The following FRMD4B variants were observed in gnomAD, a reference collection of about 807,000 sequenced individuals.
The protein encoded by FRMD4B is FERM domain-containing protein 4B.
A neutral mutation model predicts 141.5 loss-of-function variants in FRMD4B; 74 were observed. The ratio of observed to expected loss-of-function variants is 0.52; its 90% CI spans 0.43 to 0.63. FRMD4B has a LOEUF of 0.63. FRMD4B is among the 30% of genes least tolerant of loss of function. The pLI is 0.00. For missense variants in FRMD4B, 1,366 were observed against 1,253.4 expected (o/e 1.09, Z -1.36); for synonymous variants, 506 against 467.9 (o/e 1.08, Z -1.05).
At chr3:69,536,484 C>A (rs918363230) in intron 1 of FRMD4B, 6 of 697,372 alleles carry the variant, frequency 8.6e-6, no homozygotes, top group East Asian at 5.5e-5. Flanking sequence ...CCACCGCCAA[C>A]GTGCCCTAGC....
At chr3:69,280,307 A>G (rs1354755134) in intron 5 of FRMD4B, among the ~76,000 whole-genome samples, 1 of 152,126 alleles carries the variant, frequency 6.6e-6, no homozygotes, top group East Asian at 1.9e-4. Flanking sequence ...CCTCGCTTGA[A>G]CAACAATCCA....
At chr3:69,358,263 T>C (rs1007298992) in intron 1 of FRMD4B, among the ~76,000 whole-genome samples, 10 of 152,232 alleles carry the variant, frequency 6.6e-5, no homozygotes, top group Non-Finnish European at 1.5e-4. Context: ...GTGGCCTATG[T>C]AGGCCCACAG....
chr3:69,491,939 C>T lies in FRMD4B; in HGVS notation c.-129+50267G>A, dbSNP rs547892448. On this transcript the variant is annotated intron_variant, in intron 1 of 5. Coordinates refer to the FRMD4B transcript ENST00000459638. ...AGGAAGTGTTGTCATGCTCAAACAA[C>T]CGGAGATCAGAGATTATACCTAAGC... is the stretch of plus-strand genomic sequence containing the variant. Among the ~76,000 whole-genome samples, 12 of 152,214 alleles carry T rather than the reference C, an allele frequency of 7.9e-5. 1 individual carries two copies. The highest frequency in any genetic ancestry group is 2.9e-5 in the Non-Finnish European group (2 of 68,032).
chr3:69,440,574 G>A (rs1705327735), intron 1 of FRMD4B, among the ~76,000 whole-genome samples: 1 of 152,220 alleles, frequency 6.6e-6, no homozygotes, highest in South Asian at 2.1e-4. Context: ...GGAAGCCAAG[G>A]CAGGTGGATC....
chr3:69,368,519 G>C lies in FRMD4B; in HGVS notation c.162+17309C>G, dbSNP rs536009191. Among the ~76,000 whole-genome samples, 3 of 152,284 alleles carry C rather than the reference G, an allele frequency of 2.0e-5. No individual in the cohort carries two copies. The East Asian group carries it at 5.8e-4, about 29-fold the overall frequency. Reference sequence around the variant, plus strand: ...CCTCAAGCCTGTGCCTACCCCCCTTGTCGTTCTTGGACAGGTGCTTTGCAT... The same window carrying C: ...CCTCAAGCCTGTGCCTACCCCCCTTCTCGTTCTTGGACAGGTGCTTTGCAT... On this transcript the variant is annotated intron_variant, in intron 1 of 22. Transcript: ENST00000398540.
chr3:69,361,947 A>G (rs1410452272), intron 1 of FRMD4B, among the ~76,000 whole-genome samples: 2 of 152,246 alleles, frequency 1.3e-5, no homozygotes, highest in African/African-American at 4.8e-5. Flanking sequence ...CTAAAAGGTC[A>G]TACCATTTTA....
chr3:69,470,140 A>G (rs142498278), intron 1 of FRMD4B, among the ~76,000 whole-genome samples: 114 of 152,362 alleles, frequency 7.5e-4, no homozygotes, highest in African/African-American at 2.7e-3. Context: ...TTATGGTGGT[A>G]AATAAGATTT....
At chr3:69,409,666 A>T (rs1456787225) in intron 2 of FRMD4B, among the ~76,000 whole-genome samples, 1 of 152,182 alleles carries the variant, frequency 6.6e-6, no homozygotes. Context: ...ATGTGAGGGG[A>T]CCTGGGACAG....
intron 1 of FRMD4B, among the ~76,000 whole-genome samples, chr3:69,494,944 G>A (rs984981454): frequency 2.0e-5 from 3 of 149,216 alleles, no homozygotes; most frequent in African/African-American, 7.4e-5. Flanking sequence ...GAGAGGAGGG[G>A]AAGAGAGGGG....
intron 1 of FRMD4B, among the ~76,000 whole-genome samples, chr3:69,517,644 G>A (rs1390052221): frequency 6.6e-6 from 1 of 152,178 alleles, no homozygotes; most frequent in African/African-American, 2.4e-5. Context: ...GGGACATGCT[G>A]TGAAAAGAAC....
chr3:69,358,768 G>C (rs1225898334), intron 1 of FRMD4B, among the ~76,000 whole-genome samples: 1 of 152,086 alleles, frequency 6.6e-6, no homozygotes, highest in Admixed American at 6.6e-5. Flanking sequence ...AAAAAAAGAA[G>C]TGGGACCTTC....
chr3:69,427,473 A>G (rs1344802693), intron 2 of FRMD4B, among the ~76,000 whole-genome samples: 2 of 150,642 alleles, frequency 1.3e-5, no homozygotes, highest in Non-Finnish European at 3.0e-5. Context: ...ACATTTTGGG[A>G]GACATGAACC....
intron 1 of FRMD4B, among the ~76,000 whole-genome samples, chr3:69,533,868 C>A (rs1407620662): frequency 1.3e-5 from 2 of 152,158 alleles, no homozygotes; most frequent in Non-Finnish European, 2.9e-5. Flanking sequence ...TCATTCACAT[C>A]CCATGTTCAT....
chr3:69,380,841 T>C (rs1704099414), intron 1 of FRMD4B, among the ~76,000 whole-genome samples: 1 of 152,132 alleles, frequency 6.6e-6, no homozygotes, highest in Non-Finnish European at 1.5e-5. Flanking sequence ...GAAAACCTAA[T>C]CCCAAGGAAT....
rs148461459 is a variant in FRMD4B, at chr3:69,541,706, T to C, written c.-129+500A>G. ...TCACATGCACACTGCCTCTCCAACA[T>C]AGGAGCGGCTAGGATCTGAAACACC... On this transcript the variant is annotated intron_variant, in intron 1 of 5. Coordinates refer to the FRMD4B transcript ENST00000459638. 5.3e-3 allele frequency among the ~76,000 whole-genome samples: 813 copies of C among 152,148 alleles called. 3 individuals are homozygous for C. The highest frequency in any genetic ancestry group is 8.2e-3 in the Non-Finnish European group (558 of 68,006).
chr3:69,267,634 T>G (rs867878840), intron 5 of FRMD4B, among the ~76,000 whole-genome samples: 31 of 10,256 alleles, frequency 3.0e-3, no homozygotes, highest in African/African-American at 0.011. Flanking sequence ...TATATATATA[T>G]ATAGAGAGAG....
In FRMD4B at chr3:69,181,849, T is replaced by A. The variant is rs1170967570; in HGVS notation, c.2040-139A>T. ...TGAGTTGCCAAAGCTGACTGCACAA[T>A]AGAATCCATTGTTCTCCAAATCTGT... is the stretch of plus-strand genomic sequence containing the variant. On this transcript the variant is annotated intron_variant, in intron 20 of 22. Transcript: ENST00000398540. The A allele has an allele frequency of 1.6e-6, 1 of 608,404 alleles. No homozygotes were observed. Among genetic ancestry groups the A allele is most frequent in the Non-Finnish European group, 2.9e-6 (1 of 343,894 alleles). The allele number at this position is 608,404 out of a possible 1,614,324, so 37.7% of individuals were successfully genotyped here.
chr3:69,209,576 CAGCCAGCTGG>C (rs2093056268), intron 11 of FRMD4B, among the ~76,000 whole-genome samples: 1 of 152,168 alleles, frequency 6.6e-6, no homozygotes, highest in Non-Finnish European at 1.5e-5. Flanking sequence ...AGCTCTGAGT[CAGCCAGCTGG>C]TAAGTGGAAA....
chr3:69,457,537 G>C (rs1007953938), intron 1 of FRMD4B, among the ~76,000 whole-genome samples: 1 of 152,212 alleles, frequency 6.6e-6, no homozygotes, highest in African/African-American at 2.4e-5. Context: ...CACACTGCTT[G>C]TCATTACTGC....
Sources: gnomAD v4.1 joint callset for allele counts (sites outside exome capture counted in the v4.1 genomes callset) on GRCh38, gnomAD v4.1.1 for gene constraint, MANE v1.5 for transcripts, NCBI Gene and HGNC (gene_info 2026-07-23, HGNC 2026-07-21) for gene names.